The following COP1 variants were observed in gnomAD, a reference collection of about 807,000 sequenced individuals.
The protein encoded by COP1 is E3 ubiquitin-protein ligase COP1.
A neutral mutation model predicts 101.3 loss-of-function variants in COP1; 24 were observed. The observed-to-expected ratio is 0.24, with a 90% confidence interval of 0.17 to 0.33. The LOEUF (loss-of-function observed/expected upper bound fraction) is 0.33. Among genes scored for constraint, COP1 ranks in the 10% least tolerant of loss-of-function variants. The probability of loss-of-function intolerance (pLI) is 1.00; values close to 1 mark genes in which losing one functional copy is unlikely to be tolerated. For missense variants in COP1, 663 were observed against 906.2 expected, an observed-to-expected ratio of 0.73 and a Z score of 3.45; for synonymous variants, 347 against 341.9, an observed-to-expected ratio of 1.01 and a Z score of -0.17.
rs537824741 is a variant in COP1, at chr1:176,075,190, C to T, written c.1277+5962G>A. Among the ~76,000 whole-genome samples the T allele has an allele frequency of 4.0e-3, 602 of 152,170 alleles. 2 individuals are homozygous for T. Among genetic ancestry groups the T allele is most frequent in the Middle Eastern group, 0.017 (5 of 294 alleles). ...GTAATAAAATGCACCCCATAATCTGCTGCATTTTCAAATTTTACTCAGTCA... is the reference window on the plus strand; with the variant it reads ...GTAATAAAATGCACCCCATAATCTGTTGCATTTTCAAATTTTACTCAGTCA... On this transcript the variant is annotated intron_variant, in intron 11 of 19. Coordinates refer to ENST00000367669, the MANE Select transcript of COP1 (RefSeq NM_022457.7).
At chr1:175,997,229 A>G (rs1459207191) in intron 15 of COP1, among the ~76,000 whole-genome samples, 1 of 151,490 alleles carries the variant, frequency 6.6e-6, no homozygotes, top group African/African-American at 2.4e-5. Flanking sequence ...CCTTCCTTAC[A>G]CCTTATACAA....
chr1:176,045,588 A>G (rs1283758765), intron 12 of COP1, among the ~76,000 whole-genome samples: 1 of 151,404 alleles, frequency 6.6e-6, no homozygotes, highest in Non-Finnish European at 1.5e-5. Flanking sequence ...AAGGAAAAAA[A>G]AAAAAAAAAA....
intron 18 of COP1, 39 bp from the exon 19 acceptor site, chr1:175,947,278 T>A (rs778237046): frequency 7.1e-7 from 1 of 1,403,086 alleles, no homozygotes; most frequent in East Asian, 2.3e-5. Context: ...TAGAGAAGGA[T>A]TTCCTGGAGA....
At chr1:176,052,784 G>GT (rs1672790837) in intron 11 of COP1, among the ~76,000 whole-genome samples, 3 of 151,924 alleles carry the variant, frequency 2.0e-5, no homozygotes, top group Admixed American at 2.0e-4. Context: ...CACGTATTTG[G>GT]TTTTTTTCAA....
At chr1:176,086,147 A>G (rs541325352) in intron 9 of COP1, among the ~76,000 whole-genome samples, 1 of 152,292 alleles carries the variant, frequency 6.6e-6, no homozygotes, top group Non-Finnish European at 1.5e-5. Flanking sequence ...GACTAAAATG[A>G]GAAACATCTT....
chr1:176,136,665 C>A, intron 6 of COP1, 118 bp from the exon 7 acceptor site: 1 of 608,656 alleles, frequency 1.6e-6, no homozygotes, highest in South Asian at 2.5e-5. Context: ...TCAAACTTGG[C>A]ACTAATGGCA....
chr1:176,161,025 T>C (rs923505939), intron 5 of COP1, among the ~76,000 whole-genome samples: 2 of 152,214 alleles, frequency 1.3e-5, no homozygotes, highest in African/African-American at 4.8e-5. Flanking sequence ...CTCTGTCAGA[T>C]ACCTGATGGT....
chr1:176,000,590 T>C (rs1346364760), intron 15 of COP1, among the ~76,000 whole-genome samples: 5 of 152,048 alleles, frequency 3.3e-5, no homozygotes, highest in Non-Finnish European at 1.5e-5. Flanking sequence ...CTCTCACTGA[T>C]TGAAATGTCA....
rs1558076845 is a variant in COP1, at chr1:176,085,910, C to A, written c.1027-20G>T. ...CTTTGTCTAAAATAATAAGAAAAGA[C>A]ACAAAACTTAGAATAAACAATACTC... On this transcript the variant is annotated intron_variant, in intron 9 of 19. Transcript: ENST00000367669. 2.2e-6 allele frequency: 3 copies of A among 1,388,826 alleles called. No homozygotes were observed. The highest frequency in any genetic ancestry group is 3.0e-6 in the Non-Finnish European group (3 of 987,536). 86.0% of individuals were successfully genotyped at this position (1,388,826 alleles called of 1,614,324 possible). A position where few individuals can be genotyped will look rare whatever the true frequency, so the allele number is the denominator to read the frequency against.
At chr1:176,080,881 T>C (rs1388395354) in intron 11 of COP1, among the ~76,000 whole-genome samples, 11 of 152,122 alleles carry the variant, frequency 7.2e-5, no homozygotes. Context: ...GAAGCACTTA[T>C]GAGAAGAGCA....
chr1:175,966,644 A>T (rs968426001), intron 18 of COP1, among the ~76,000 whole-genome samples: 1 of 152,244 alleles, frequency 6.6e-6, no homozygotes, highest in Non-Finnish European at 1.5e-5. Context: ...AAATGGAAGA[A>T]AGAAGAAAGG....
chr1:176,150,487 T>C (rs1005442190), intron 5 of COP1, among the ~76,000 whole-genome samples: 19 of 152,220 alleles, frequency 1.2e-4, no homozygotes, highest in Non-Finnish European at 2.2e-4. Context: ...CAAACTCACA[T>C]GGGCTCTGTC....
At chr1:176,057,940 C>T (rs1248864292) in intron 11 of COP1, among the ~76,000 whole-genome samples, 1 of 151,720 alleles carries the variant, frequency 6.6e-6, no homozygotes. Context: ...AGCACCTCTG[C>T]CCCGCCGCCC....
chr1:176,123,287 C>T (rs1010589635), intron 8 of COP1, among the ~76,000 whole-genome samples: 1 of 152,006 alleles, frequency 6.6e-6, no homozygotes, highest in African/African-American at 2.4e-5. Context: ...GATGGGACTT[C>T]GGTAGGAGAG....
chr1:176,150,920 T>C (rs1692327440), intron 5 of COP1, among the ~76,000 whole-genome samples: 1 of 151,972 alleles, frequency 6.6e-6, no homozygotes, highest in South Asian at 2.1e-4. Context: ...GAATGGCAAA[T>C]ATGAAACTAC....
chr1:176,003,267 T>C (rs1446759990), intron 15 of COP1, among the ~76,000 whole-genome samples: 3 of 152,158 alleles, frequency 2.0e-5, no homozygotes, highest in Non-Finnish European at 2.9e-5. Flanking sequence ...GTCAGATGAG[T>C]AGGTTGCAAA....
At chr1:176,082,133 T>A (rs1679259192) in intron 10 of COP1, among the ~76,000 whole-genome samples, 1 of 152,230 alleles carries the variant, frequency 6.6e-6, no homozygotes, top group Non-Finnish European at 1.5e-5. Context: ...ATTTAAAAAA[T>A]CATTGCTTTT....
At chr1:175,993,675 G>A (rs867280630) in intron 15 of COP1, among the ~76,000 whole-genome samples, 132 of 152,276 alleles carry the variant, frequency 8.7e-4, no homozygotes, top group African/African-American at 2.9e-3. Flanking sequence ...GAAATGAAGC[G>A]AGAAGGGAAG....
chr1:176,168,644 G>A, intron 3 of COP1: 1 of 238,092 alleles, frequency 4.2e-6, no homozygotes, highest in Non-Finnish European at 8.8e-6. Context: ...GGTAATGGAG[G>A]GTCGGACTTC....
Sources: gnomAD v4.1 joint callset for allele counts (sites outside exome capture counted in the v4.1 genomes callset) on GRCh38, gnomAD v4.1.1 for gene constraint, MANE v1.5 for transcripts, NCBI Gene and HGNC (gene_info 2026-07-23, HGNC 2026-07-21) for gene names.